GALNTL6: variants seen among roughly 807,000 people sequenced by gnomAD.
The protein encoded by GALNTL6 is polypeptide N-acetylgalactosaminyltransferase like 6, also known as polypeptide N-acetylgalactosaminyltransferase-like 6.
A neutral mutation model predicts 73.7 loss-of-function variants in GALNTL6; 46 were observed. The observed-to-expected ratio is 0.62, with a 90% CI of 0.49 to 0.80. The LOEUF (loss-of-function observed/expected upper bound fraction) is 0.80. GALNTL6 is among the 30% of genes least tolerant of loss of function. The pLI is 0.00. For missense variants in GALNTL6, 604 were observed against 755.0 expected (o/e 0.80, Z 2.34); for synonymous variants, 259 against 263.7 (o/e 0.98, Z 0.17).
chr4:171,987,658 C>T (rs944536223), intron 2 of GALNTL6, among the ~76,000 whole-genome samples: 2 of 152,252 alleles, frequency 1.3e-5, no homozygotes, highest in African/African-American at 2.4e-5. Flanking sequence ...AAGTTATTTC[C>T]TTGAGGATAG....
intron 4 of GALNTL6, 27 bp downstream of exon 4, chr4:172,311,779 G>A: frequency 6.8e-7 from 1 of 1,471,848 alleles, no homozygotes; most frequent in Non-Finnish European, 9.1e-7. Context: ...CAGTGATCAG[G>A]GTGGGTTTTT....
chr4:172,731,768 A>T (rs1408219262), intron 5 of GALNTL6, among the ~76,000 whole-genome samples: 3 of 152,096 alleles, frequency 2.0e-5, no homozygotes, highest in African/African-American at 4.8e-5. Context: ...AAAATTTTTT[A>T]AAATTTCCTT....
chr4:172,348,549 G>A lies in GALNTL6; in HGVS notation c.413G>A (p.Arg138Lys). 6.2e-7 allele frequency: 1 copy of A among 1,612,630 alleles called. No homozygotes were observed. The highest frequency in any genetic ancestry group is 8.5e-7 in the Non-Finnish European group (1 of 1,179,114). Residue 138 changes from arginine (R) to lysine (K), a missense_variant, in exon 5 of 13, where the codon AGG (arginine) becomes AAG (lysine). Arg to Lys is a conservative substitution (Grantham distance 26, BLOSUM62 2). This residue lies in a region of GALNTL6 where 9 missense variants were observed against 30.3 expected (regional missense o/e 0.30). Coordinates refer to ENST00000506823, the MANE Select transcript of GALNTL6 (RefSeq NM_001034845.3). ...ANCKHKMYLE[R>K]LPNTSIIIPF... ...TGTAAGCATAAGATGTATCTGGAAAGGCTGCCAAACACCAGCATCATTATC... is the reference window on the plus strand; with the variant it reads ...TGTAAGCATAAGATGTATCTGGAAAAGCTGCCAAACACCAGCATCATTATC...
At chr4:172,995,528 T>C (rs1486451161) in intron 10 of GALNTL6, among the ~76,000 whole-genome samples, 1 of 152,208 alleles carries the variant, frequency 6.6e-6, no homozygotes, top group African/African-American at 2.4e-5. Context: ...TCCCACAGAA[T>C]ACTGAAAACT....
intron 5 of GALNTL6, among the ~76,000 whole-genome samples, chr4:172,786,016 AT>A (rs1739631575): frequency 6.6e-6 from 1 of 152,144 alleles, no homozygotes; most frequent in Non-Finnish European, 1.5e-5. Flanking sequence ...GTTCCACTAT[AT>A]CCTGGTTAAC....
intron 2 of GALNTL6, among the ~76,000 whole-genome samples, chr4:172,197,594 T>C (rs72478834): frequency 1.3e-5 from 2 of 152,042 alleles, no homozygotes; most frequent in Non-Finnish European, 2.9e-5. Context: ...AATAGACACA[T>C]AGACCAGTGG....
intron 5 of GALNTL6, among the ~76,000 whole-genome samples, chr4:172,679,202 A>G (rs543927138): frequency 2.3e-4 from 35 of 152,330 alleles, no homozygotes; most frequent in African/African-American, 8.2e-4. Flanking sequence ...GCCTGAGGCC[A>G]GGAGTTCAAA....
chr4:172,586,159 C>T (rs1284224908), intron 5 of GALNTL6, among the ~76,000 whole-genome samples: 1 of 152,176 alleles, frequency 6.6e-6, no homozygotes, highest in Non-Finnish European at 1.5e-5. Context: ...TCCAACTAGA[C>T]TTTAAACTCC....
intron 8 of GALNTL6, among the ~76,000 whole-genome samples, chr4:172,911,201 T>A (rs1157042490): frequency 2.0e-5 from 3 of 152,254 alleles, no homozygotes; most frequent in African/African-American, 7.2e-5. Flanking sequence ...AAACTCAATC[T>A]CATTTTACGA....
chr4:172,164,346 A>G (rs1363198002), intron 2 of GALNTL6, among the ~76,000 whole-genome samples: 1 of 151,998 alleles, frequency 6.6e-6, no homozygotes, highest in East Asian at 1.9e-4. Flanking sequence ...TATTTATAGG[A>G]CTAAATCTCA....
chr4:171,896,101 A>C (rs1297159932), intron 2 of GALNTL6, among the ~76,000 whole-genome samples: 2 of 152,178 alleles, frequency 1.3e-5, no homozygotes, highest in African/African-American at 4.8e-5. Flanking sequence ...AAAAAGAGGG[A>C]AAGGCATAAA....
intron 2 of GALNTL6, among the ~76,000 whole-genome samples, chr4:171,858,123 A>G (rs1397160694): frequency 6.6e-6 from 1 of 152,164 alleles, no homozygotes; most frequent in East Asian, 1.9e-4. Context: ...TAGGCATAGA[A>G]AGCAATATAG....
At chr4:172,050,336 G>A (rs1730812521) in intron 2 of GALNTL6, among the ~76,000 whole-genome samples, 2 of 152,136 alleles carry the variant, frequency 1.3e-5, no homozygotes, top group Admixed American at 1.3e-4. Flanking sequence ...ATTTCAGGAA[G>A]GCAGAAGTTA....
chr4:172,981,983 C>A (rs112539529), intron 10 of GALNTL6, among the ~76,000 whole-genome samples: 1 of 151,754 alleles, frequency 6.6e-6, no homozygotes, highest in African/African-American at 2.4e-5. Flanking sequence ...TTAGTAGAGA[C>A]GGGGTTTCTC....
intron 7 of GALNTL6, among the ~76,000 whole-genome samples, chr4:172,863,116 G>A (rs987965709): frequency 2.0e-5 from 3 of 152,252 alleles, no homozygotes; most frequent in Admixed American, 1.3e-4. Context: ...GAGGGTGTAT[G>A]GAAATGCCTG....
chr4:172,531,604 G>A lies in GALNTL6; in HGVS notation c.553+182915G>A, dbSNP rs549429031. 2.0e-4 allele frequency among the ~76,000 whole-genome samples: 31 copies of A among 152,264 alleles called. 1 individual carries two copies. The East Asian group carries it at 5.8e-3, about 29-fold the overall frequency. On this transcript the variant is annotated intron_variant, in intron 5 of 12. Coordinates refer to ENST00000506823, the MANE Select transcript of GALNTL6 (RefSeq NM_001034845.3). ...CTCAAAAATTGCAACCTCTTCTCCA[G>A]GATGCTCTTAATACCTGCATCTGGA...
Position 172,271,068 on chromosome 4 carries a change from T to G in GALNTL6, c.248-40546T>G, listed in dbSNP as rs142484306. Among the ~76,000 whole-genome samples, 368 of 152,246 alleles carry G rather than the reference T, an allele frequency of 2.4e-3. 4 individuals carry two copies. Among genetic ancestry groups the G allele is most frequent in the African/African-American group, 8.5e-3 (354 of 41,572 alleles). On this transcript the variant is annotated intron_variant, in intron 3 of 12. Transcript: ENST00000506823. ...GGATTTCTCATGTTTCAGGGAAGAT[T>G]TGACTAGGAGACAAATGAAGTGCTT...
At chr4:171,970,761 A>G (rs1212351146) in intron 2 of GALNTL6, among the ~76,000 whole-genome samples, 1 of 152,228 alleles carries the variant, frequency 6.6e-6, no homozygotes, top group Non-Finnish European at 1.5e-5. Context: ...TAAGATTTTA[A>G]TTGCAAAAAT....
intron 8 of GALNTL6, among the ~76,000 whole-genome samples, chr4:172,900,391 A>G (rs1746562921): frequency 1.3e-5 from 2 of 152,194 alleles, no homozygotes; most frequent in Non-Finnish European, 2.9e-5. Context: ...CATCCAAATT[A>G]TATCTACCAA....
Sources: gnomAD v4.1 joint callset for allele counts (sites outside exome capture counted in the v4.1 genomes callset) on GRCh38, gnomAD v4.1.1 for gene constraint, gnomAD v4.1.1 regional missense constraint, MANE v1.5 for transcripts, NCBI Gene and HGNC (gene_info 2026-07-23, HGNC 2026-07-21) for gene names.